The following WIF1 variants were observed in gnomAD, a reference collection of about 807,000 sequenced individuals.
WIF1 encodes the protein Wnt inhibitory factor 1.
In WIF1, 35 loss-of-function variants were observed where a neutral mutation model predicts 53.5. That is an observed-to-expected ratio of 0.65 (90% CI 0.50 to 0.87). The LOEUF is 0.87. WIF1 is among the 40% of genes least tolerant of loss of function. WIF1 has a pLI of 0.00. For missense variants in WIF1, 467 were observed against 476.8 expected (o/e 0.98, Z 0.19); for synonymous variants, 171 against 170.4 (o/e 1.00, Z -0.03).
chr12:65,109,931 G>T lies in WIF1; in HGVS notation c.288+10486C>A, dbSNP rs112119367. 9.2e-5 allele frequency among the ~76,000 whole-genome samples: 14 copies of T among 152,268 alleles called. 1 individual carries two copies. The highest frequency in any genetic ancestry group is 3.4e-4 in the African/African-American group (14 of 41,554). On this transcript the variant is annotated intron_variant, in intron 2 of 9. Transcript: ENST00000286574. ...GTAATAGGATACACAAAGAGTATTT[G>T]GAGGTGAATCTTTTTAAATTTGGCA...
intron 2 of WIF1, among the ~76,000 whole-genome samples, chr12:65,104,620 T>C (rs1565759634): frequency 6.6e-6 from 1 of 152,148 alleles, no homozygotes; most frequent in Non-Finnish European, 1.5e-5. Context: ...TTAAATTAGA[T>C]AACGATGAAA....
At chr12:65,069,049 C>T in intron 3 of WIF1, 145 bp from the exon 4 acceptor site, 2 of 877,486 alleles carry the variant, frequency 2.3e-6, no homozygotes, top group Admixed American at 5.7e-5. Flanking sequence ...GGAGTAGGAA[C>T]TGTATTTTGA....
intron 2 of WIF1, among the ~76,000 whole-genome samples, chr12:65,091,064 T>C (rs979933981): frequency 7.2e-5 from 11 of 152,252 alleles, no homozygotes; most frequent in African/African-American, 1.9e-4. Flanking sequence ...TTAGCACATA[T>C]AGGCAAAATT....
At chr12:65,077,711 A>G in intron 3 of WIF1, 35 bp downstream of exon 3, 1 of 1,409,562 alleles carries the variant, frequency 7.1e-7, no homozygotes, top group East Asian at 2.3e-5. Context: ...ATTACATTTT[A>G]AGTGTAAACC....
intron 2 of WIF1, among the ~76,000 whole-genome samples, chr12:65,081,386 C>T (rs1021815756): frequency 6.6e-6 from 1 of 152,038 alleles, no homozygotes; most frequent in Non-Finnish European, 1.5e-5. Context: ...CATTCGGAGG[C>T]CAGAAACATA....
At chr12:65,117,824 T>A (rs1435419859) in intron 2 of WIF1, among the ~76,000 whole-genome samples, 1 of 152,178 alleles carries the variant, frequency 6.6e-6, no homozygotes, top group African/African-American at 2.4e-5. Context: ...TATGAGAATC[T>A]TATGCTGCTG....
chr12:65,071,621 T>C (rs935165625), intron 3 of WIF1, among the ~76,000 whole-genome samples: 8 of 152,326 alleles, frequency 5.3e-5, no homozygotes, highest in Middle Eastern at 3.4e-3. Flanking sequence ...TAATTTTATT[T>C]GTGCATAATA....
intron 2 of WIF1, among the ~76,000 whole-genome samples, chr12:65,115,363 A>G (rs1883492650): frequency 6.6e-6 from 1 of 152,188 alleles, no homozygotes; most frequent in Non-Finnish European, 1.5e-5. Flanking sequence ...TTTTGGCCTT[A>G]CACCAAATTG....
chr12:65,108,269 G>A (rs2136293049), intron 2 of WIF1, among the ~76,000 whole-genome samples: 1 of 152,290 alleles, frequency 6.6e-6, no homozygotes, highest in Non-Finnish European at 1.5e-5. Context: ...GACAGGACCT[G>A]AATAAATATT....
At chr12:65,068,613 C>T (rs546442707) in intron 4 of WIF1, 151 bp downstream of exon 4, 48 of 999,408 alleles carry the variant, frequency 4.8e-5, no homozygotes, top group Admixed American at 3.1e-4. Context: ...CTCCTCCTTC[C>T]GTTGCTGTAG....
intron 2 of WIF1, among the ~76,000 whole-genome samples, chr12:65,078,202 C>G (rs1047227006): frequency 1.3e-5 from 2 of 152,078 alleles, no homozygotes; most frequent in African/African-American, 4.8e-5. Context: ...CCTCAGCCTC[C>G]TGAGTAGCTG....
rs552946057 is a variant in WIF1, at chr12:65,114,174, T to A, written c.288+6243A>T. 1.7e-3 allele frequency among the ~76,000 whole-genome samples: 175 copies of A among 100,762 alleles called. 3 individuals are homozygous for A. The highest frequency in any genetic ancestry group is 4.2e-3 in the African/African-American group (162 of 38,178). 66.1% of individuals were successfully genotyped at this position (100,762 alleles called of 152,430 possible). On this transcript the variant is annotated intron_variant, in intron 2 of 9. Transcript: ENST00000286574. ...TGAATTAAAATTTACCCTATTTTTT[T>A]TATTTTTTTTTGGTTTACGTCAAGG...
intron 4 of WIF1, 144 bp from the exon 5 acceptor site, chr12:65,067,934 T>C (rs1882713428): frequency 1.5e-6 from 1 of 645,856 alleles, no homozygotes; most frequent in East Asian, 3.0e-5. Flanking sequence ...TTCCAACTCA[T>C]TCCCTCGATA....
At chr12:65,085,830 C>G (rs1883029657) in intron 2 of WIF1, among the ~76,000 whole-genome samples, 1 of 152,138 alleles carries the variant, frequency 6.6e-6, no homozygotes, top group Admixed American at 6.5e-5. Context: ...TAAATTAAAA[C>G]TGGCAGAAGA....
chr12:65,116,155 C>T (rs1007671112), intron 2 of WIF1, among the ~76,000 whole-genome samples: 5 of 152,108 alleles, frequency 3.3e-5, no homozygotes, highest in Admixed American at 6.6e-5. Context: ...TATCTGCCAA[C>T]ATATTTTGTA....
intron 7 of WIF1, among the ~76,000 whole-genome samples, chr12:65,061,577 G>A (rs1882612754): frequency 6.6e-6 from 1 of 152,220 alleles, no homozygotes; most frequent in African/African-American, 2.4e-5. Flanking sequence ...ATGACTTGCT[G>A]AGAGCTACAT....
At chr12:65,102,438 C>A (rs1883296027) in intron 2 of WIF1, among the ~76,000 whole-genome samples, 2 of 152,140 alleles carry the variant, frequency 1.3e-5, no homozygotes, top group South Asian at 4.1e-4. Context: ...ATAGGAGGGG[C>A]AGCCTTTTTG....
At chr12:65,115,054 T>C (rs773245669) in intron 2 of WIF1, among the ~76,000 whole-genome samples, 4 of 151,994 alleles carry the variant, frequency 2.6e-5, no homozygotes, top group Non-Finnish European at 5.9e-5. Context: ...AGAGAATTTC[T>C]ATTCCATAGA....
intron 2 of WIF1, among the ~76,000 whole-genome samples, chr12:65,082,901 A>C (rs1379301333): frequency 6.6e-6 from 1 of 152,182 alleles, no homozygotes; most frequent in African/African-American, 2.4e-5. Context: ...TCAGAAAACC[A>C]AGGACTTCAA....
Sources: allele counts gnomAD v4.1 joint callset (sites outside exome capture counted in the v4.1 genomes callset), GRCh38; gene constraint gnomAD v4.1.1; transcripts MANE v1.5; gene names NCBI Gene and HGNC (gene_info 2026-07-23, HGNC 2026-07-21).